The following CLCN7 variants were observed in gnomAD, a reference collection of about 807,000 sequenced individuals.
CLCN7 encodes the protein Cl-/H+ antiporter 7.
Under a neutral mutation model 102.1 loss-of-function variants are expected in CLCN7, and 60 were observed. The observed-to-expected ratio is 0.59, with a 90% CI of 0.48 to 0.73. CLCN7 has a LOEUF of 0.73. CLCN7 is among the 30% of genes least tolerant of loss of function. The pLI is 0.00. For synonymous variants in CLCN7, 560 were observed against 490.5 expected (o/e 1.14, Z -1.87); for missense variants, 962 against 1,125.7 (o/e 0.85, Z 2.08).
chr16:1,468,459 C>T (rs762262679), intron 1 of CLCN7, among the ~76,000 whole-genome samples: 20 of 152,234 alleles, frequency 1.3e-4, no homozygotes, highest in Admixed American at 3.3e-4. Flanking sequence ...AAGAACACGA[C>T]GTTTACTTCA....
chr16:1,447,271 G>A lies in CLCN7; in HGVS notation c.2250+121C>T, dbSNP rs111243022. ...AAAGCCTGCCAGGCCCTTCACAGGAGACAGAGTCACCGAGTCCTCTCCGCT... is the reference window on the plus strand; with the variant it reads ...AAAGCCTGCCAGGCCCTTCACAGGAAACAGAGTCACCGAGTCCTCTCCGCT... On this transcript the variant is annotated intron_variant, in intron 23 of 24. Coordinates refer to ENST00000382745, the MANE Select transcript of CLCN7 (RefSeq NM_001287.6). 1,120 of 1,223,388 alleles carry A rather than the reference G, an allele frequency of 9.2e-4. 10 individuals are homozygous for A. In the African/African-American group the frequency reaches 0.014, roughly 15 times the overall value. 75.8% of individuals were successfully genotyped at this position (1,223,388 alleles called of 1,614,324 possible). A position where few individuals can be genotyped will look rare whatever the true frequency, so the allele number is the denominator to read the frequency against.
At chr16:1,453,552 T>C (rs1377253455) in intron 14 of CLCN7, among the ~76,000 whole-genome samples, 1 of 152,180 alleles carries the variant, frequency 6.6e-6, no homozygotes, top group Non-Finnish European at 1.5e-5. Flanking sequence ...AGGTTGGGCA[T>C]GCCTCGCCCA....
intron 12 of CLCN7, 98 bp downstream of exon 12, chr16:1,455,036 G>C: frequency 1.2e-6 from 1 of 802,540 alleles, no homozygotes; most frequent in Non-Finnish European, 2.2e-6. Flanking sequence ...CTATCAACCA[G>C]AGTTTTCTAA....
At chr16:1,447,207 C>CTGCCTGAGCCCCA in intron 23 of CLCN7, 121 bp from the exon 24 acceptor site, 6 of 1,188,280 alleles carry the variant, frequency 5.0e-6, no homozygotes, top group Non-Finnish European at 7.2e-6. Context: ...GCCCCCACGC[C>CTGCCTGAGCCCCA]CGTCTGGCCA....
intron 1 of CLCN7, among the ~76,000 whole-genome samples, chr16:1,473,237 AG>A (rs1448118719): frequency 6.6e-6 from 1 of 152,068 alleles, no homozygotes; most frequent in Non-Finnish European, 1.5e-5. Flanking sequence ...CCCACTTCAA[AG>A]GGAGCTGAGC....
rs2142374746 is a variant in CLCN7, at chr16:1,452,849, A to ACTGTGG, written c.1258_1259insCCACAG (p.Leu419_Val420insAlaThr). The ACTGTGG allele has an allele frequency of 1.3e-6, 2 of 1,583,046 alleles. No homozygotes were observed. Among genetic ancestry groups the ACTGTGG allele is most frequent in the East Asian group, 4.7e-5 (2 of 42,824 alleles). On this transcript the variant is annotated inframe_insertion, in exon 15 of 25. Coordinates refer to ENST00000382745, the MANE Select transcript of CLCN7 (RefSeq NM_001287.6). Reference sequence around the variant, plus strand: ...GGCAACTGTGGCCGTGACGGCGGCCACCAGCACGGCCTCAATCACCTGCAG... The same window carrying ACTGTGG: ...GGCAACTGTGGCCGTGACGGCGGCCACTGTGGCCAGCACGGCCTCAATCACCTGCAG...
At chr16:1,463,756 AACC>A (rs952763302) in intron 2 of CLCN7, among the ~76,000 whole-genome samples, 10 of 146,948 alleles carry the variant, frequency 6.8e-5, no homozygotes, top group Non-Finnish European at 1.3e-4. Flanking sequence ...TACAGGTGTG[AACC>A]ACCACACCTG....
At chr16:1,449,992 C>T in intron 17 of CLCN7, 1 of 173,646 alleles carries the variant, frequency 5.8e-6, no homozygotes, top group Non-Finnish European at 1.2e-5. Context: ...CTGCCAGGGC[C>T]TCTTACAGGT....
intron 19 of CLCN7, 62 bp downstream of exon 19, chr16:1,448,902 CAG>C: frequency 6.2e-7 from 1 of 1,606,516 alleles, no homozygotes; most frequent in Non-Finnish European, 8.5e-7. Flanking sequence ...TGGAGGCTCA[CAG>C]GGGCCCCTCC....
At chr16:1,471,636 C>T (rs1436149336) in intron 1 of CLCN7, 1 of 152,232 alleles carries the variant, frequency 6.6e-6, no homozygotes, top group African/African-American at 2.4e-5. Context: ...TTCTTCAGAG[C>T]GTAGTTTGTG....
Position 1,457,145 on chromosome 16 carries a change from G to T in CLCN7, c.822+109C>A. 1 of 1,055,876 alleles carries T rather than the reference G, an allele frequency of 9.5e-7. No homozygotes were observed. The highest frequency in any genetic ancestry group is 1.5e-6 in the Non-Finnish European group (1 of 682,612). The allele number at this position is 1,055,876 out of a possible 1,614,324, so 65.4% of individuals were successfully genotyped here. The stretch of plus-strand genomic sequence containing the variant: ...CCACCCGCCAGGCTGTCCTCAGATG[G>T]GGCTGGGGCTCTCGGCCTGGGGGTG... On this transcript the variant is annotated intron_variant, in intron 9 of 24. Transcript: ENST00000382745. The surrounding 1 kb of genome is among the most constrained non-coding windows in gnomAD (Gnocchi z 5.4).
At chr16:1,455,398 C>A in intron 11 of CLCN7, 148 bp from the exon 12 acceptor site, 1 of 736,068 alleles carries the variant, frequency 1.4e-6, no homozygotes, top group Admixed American at 1.9e-5. Context: ...GGGCTGGAGC[C>A]AGGGGTGGGC....
intron 10 of CLCN7, 132 bp downstream of exon 10, chr16:1,455,981 G>T: frequency 1.0e-6 from 1 of 990,516 alleles, no homozygotes; most frequent in Non-Finnish European, 1.5e-6. Context: ...ACTGCCGGCC[G>T]CTTCCAAATG....
chr16:1,466,331 C>A (rs890743856), intron 1 of CLCN7, among the ~76,000 whole-genome samples: 1 of 152,212 alleles, frequency 6.6e-6, no homozygotes, highest in African/African-American at 2.4e-5. Flanking sequence ...CTTCCTCAGG[C>A]TCGGCCTCCC....
At chr16:1,466,680 C>T (rs1222537647) in intron 1 of CLCN7, 1 of 152,300 alleles carries the variant, frequency 6.6e-6, no homozygotes, top group Non-Finnish European at 1.5e-5. Flanking sequence ...CGGCGGGGTA[C>T]AGTGGCTCAT....
chr16:1,446,005 G>A lies in CLCN7; in HGVS notation c.*626C>T, dbSNP rs780705841. 5.8e-6 allele frequency: 3 copies of A among 518,464 alleles called. No individual in the cohort carries two copies. Among genetic ancestry groups the A allele is most frequent in the East Asian group, 3.3e-5 (1 of 30,298 alleles). The allele number at this position is 518,464 out of a possible 1,614,324, so 32.1% of individuals were successfully genotyped here. ...TGAGTCACCCCAGTCCTCTGGGCCT[G>A]TGTACCCAAGCCGGATGCAGGCCGG... On this transcript the variant is annotated 3_prime_UTR_variant, in exon 25 of 25. Coordinates refer to ENST00000382745, the MANE Select transcript of CLCN7 (RefSeq NM_001287.6).
chr16:1,473,714 C>T (rs2039111111), intron 1 of CLCN7, among the ~76,000 whole-genome samples: 1 of 151,968 alleles, frequency 6.6e-6, no homozygotes, highest in African/African-American at 2.4e-5. Flanking sequence ...GTTTAAAGGA[C>T]TAGACAAGAG....
chr16:1,474,589 G>A (rs1212187424), intron 1 of CLCN7, among the ~76,000 whole-genome samples: 2 of 152,152 alleles, frequency 1.3e-5, no homozygotes, highest in Non-Finnish European at 2.9e-5. Flanking sequence ...GGGGTCTGGC[G>A]AGCTCCGCCT....
At chr16:1,464,796 T>C (rs972518751) in intron 2 of CLCN7, among the ~76,000 whole-genome samples, 10 of 152,096 alleles carry the variant, frequency 6.6e-5, no homozygotes, top group African/African-American at 2.4e-4. Context: ...CACCAGCGGC[T>C]GGGGGAAAAA....
Sources: gnomAD v4.1 joint callset for allele counts (sites outside exome capture counted in the v4.1 genomes callset) on GRCh38, gnomAD v4.1.1 for gene constraint, Gnocchi (gnomAD v3.1) non-coding constraint, MANE v1.5 for transcripts, NCBI Gene and HGNC (gene_info 2026-07-23, HGNC 2026-07-21) for gene names.